Variants in NFKB2 observed in about 807,000 individuals in gnomAD.
NFKB2 encodes the protein nuclear factor kappa B subunit 2.
NFKB2 carries 21 observed loss-of-function variants against 109.3 expected under a neutral mutation model. The ratio of observed to expected loss-of-function variants is 0.19; its 90% CI spans 0.14 to 0.28. The LOEUF is 0.28. Ranked by LOEUF, NFKB2 falls within the 10% of genes least tolerant of loss-of-function variation. The pLI is 1.00. For missense variants in NFKB2, 806 were observed against 1,185.3 expected (o/e 0.68, Z 4.70); for synonymous variants, 478 against 489.9 (o/e 0.98, Z 0.32).
At position 102,400,105 on chromosome 10, in the gene NFKB2, G is replaced by T; in HGVS notation, c.1495G>T (p.Gly499Trp). The T allele has an allele frequency of 6.2e-7, 1 of 1,614,052 alleles. No homozygotes were observed. The highest frequency in any genetic ancestry group is 8.5e-7 in the Non-Finnish European group (1 of 1,179,982). ...DTPLHLAIIH[G>W]QTSVIEQIVY... Reference sequence around the variant, plus strand: ...ACCACTGCACCTAGCCATCATCCACGGGCAGACCAGTGTCATTGAGCAGAT... The same window carrying T: ...ACCACTGCACCTAGCCATCATCCACTGGCAGACCAGTGTCATTGAGCAGAT... Residue 499 changes from glycine to tryptophan, a missense_variant, in exon 15 of 23, where the codon GGG becomes TGG. Gly to Trp is a radical substitution (Grantham distance 184). Transcript: ENST00000661543. This position sits in a 1 kb window ranked among gnomAD's most constrained non-coding sequence, Gnocchi z 6.3.
rs369780227 is a variant in NFKB2 at position 102,400,283 on chromosome 10, C to T, written c.1590C>T (p.Pro530=). Residue 530 remains proline (P), a synonymous_variant, in exon 16 of 23, where the codon CCC becomes CCT. Transcript: ENST00000661543. This position sits in a 1 kb window ranked among gnomAD's most constrained non-coding sequence, Gnocchi z 6.3. ...VNLTNHLHQT[P]LHLAVITGQT... ...CACCCTGCTTTCATCCCCAGACGCCCCTGCACCTGGCGGTGATCACGGGGC... is the reference window on the plus strand; with the variant it reads ...CACCCTGCTTTCATCCCCAGACGCCTCTGCACCTGGCGGTGATCACGGGGC... 2.8e-5 allele frequency: 46 copies of T among 1,614,086 alleles called. No individual in the cohort carries two copies. In the African/African-American group the frequency reaches 4.0e-4, roughly 14 times the overall value.
chr10:102,397,063 C>A lies in NFKB2; in HGVS notation c.395+8C>A, dbSNP rs775898972. 1 of 1,603,176 alleles carries A rather than the reference C, an allele frequency of 6.2e-7. No homozygotes were observed. The highest frequency in any genetic ancestry group is 1.1e-5 in the South Asian group (1 of 90,926). ...CAAGGACATGACTGCCCAGTAGGTG[C>A]CCTCTACGCCTGGCCCCCACTGGTA... On this transcript the variant is annotated splice_region_variant and intron_variant, in intron 6 of 22. Transcript: ENST00000661543. The surrounding 1 kb of genome is among the most constrained non-coding windows in gnomAD (Gnocchi z 4.7).
chr10:102,401,210 C>T lies in NFKB2; in HGVS notation c.2102C>T (p.Pro701Leu). 3 of 1,601,910 alleles carry T rather than the reference C, an allele frequency of 1.9e-6. No homozygotes were observed. The highest frequency in any genetic ancestry group is 2.6e-6 in the Non-Finnish European group (3 of 1,172,848). ...GACATCCATGCTGAAAACGAGGAGC[C>T]CCTGTGCCCACTGCCTTCACCCCCT... The part of the protein sequence containing the change: ...GADIHAENEE[P>L]LCPLPSPPTS... Residue 701 changes from proline to leucine, a missense_variant, in exon 19 of 23, where the codon CCC becomes CTC. Physicochemically the swap from Pro to Leu is moderately conservative, Grantham distance 98. Around this residue, in one of 10 missense-constraint regions of NFKB2, gnomAD observed 211 missense variants for 268.7 expected, o/e 0.79. Coordinates refer to ENST00000661543, the MANE Select transcript of NFKB2 (RefSeq NM_001322934.2). This position sits in a 1 kb window ranked among gnomAD's most constrained non-coding sequence, Gnocchi z 4.2.
intron 14 of NFKB2, 167 bp from the exon 15 acceptor site, chr10:102,399,913 A>G: frequency 9.5e-7 from 1 of 1,053,962 alleles, no homozygotes; most frequent in Non-Finnish European, 1.4e-6. Flanking sequence ...CATAGCACTT[A>G]CCTACCTCAA....
chr10:102,397,359 A>G lies in NFKB2; in HGVS notation c.453A>G (p.Ile151Met), dbSNP rs2135430396. The part of the protein sequence containing the change: ...VTKKNMMGTM[I>M]QKLQRQRLRS... ...AGAAGAACATGATGGGGACTATGAT[A>G]CAAAAACTTCAGAGGCAGCGGCTCC... The change falls in exon 7 of 23, where the codon ATA (isoleucine) becomes ATG (methionine). Residue 151 changes from isoleucine to methionine, a missense_variant. Transcript: ENST00000661543. The surrounding 1 kb of genome is among the most constrained non-coding windows in gnomAD (Gnocchi z 4.7). 1.2e-6 allele frequency: 2 copies of G among 1,613,774 alleles called. No homozygotes were observed. Among genetic ancestry groups the G allele is most frequent in the Non-Finnish European group, 8.5e-7 (1 of 1,179,934 alleles).
Position 102,401,101 on chromosome 10 carries a change from G to A in NFKB2, c.2071+52G>A. On this transcript the variant is annotated intron_variant, in intron 18 of 22. Transcript: ENST00000661543. The surrounding 1 kb of genome is among the most constrained non-coding windows in gnomAD (Gnocchi z 4.2). ...AACAGGGTGGGGGGAAGGGAGAGAG[G>A]TGCCTCCCAGTCCCCCGACTTTGCA... is the stretch of plus-strand genomic sequence containing the variant. 1 of 1,612,008 alleles carries A rather than the reference G, an allele frequency of 6.2e-7. No homozygotes were observed. The highest frequency in any genetic ancestry group is 8.5e-7 in the Non-Finnish European group (1 of 1,178,348).
At position 102,401,360 on chromosome 10, in the gene NFKB2, C is replaced by T. The variant is rs1485899172; in HGVS notation, c.2223+29C>T. ...AGGCCAGCCCGGGACTAGAAGTGCT[C>T]TGAGTGACGGGGTCCAGAGTATCTG... On this transcript the variant is annotated intron_variant, in intron 19 of 22. Coordinates refer to ENST00000661543, the MANE Select transcript of NFKB2 (RefSeq NM_001322934.2). The surrounding 1 kb of genome is among the most constrained non-coding windows in gnomAD (Gnocchi z 4.2). 2 of 1,609,392 alleles carry T rather than the reference C, an allele frequency of 1.2e-6. No individual in the cohort carries two copies. Among genetic ancestry groups the T allele is most frequent in the African/African-American group, 2.7e-5 (2 of 74,850 alleles).
chr10:102,397,234 G>A lies in NFKB2; in HGVS notation c.396-68G>A. ...AGGAAGTAAGGCTGAGCTGAGCCCT[G>A]GCAATGGGAAAGGTGCCTCAGGAAG... On this transcript the variant is annotated intron_variant, in intron 6 of 22. Coordinates refer to ENST00000661543, the MANE Select transcript of NFKB2 (RefSeq NM_001322934.2). This position sits in a 1 kb window ranked among gnomAD's most constrained non-coding sequence, Gnocchi z 4.7. 1 of 1,564,904 alleles carries A rather than the reference G, an allele frequency of 6.4e-7. No homozygotes were observed. The highest frequency in any genetic ancestry group is 8.8e-7 in the Non-Finnish European group (1 of 1,138,594).
chr10:102,400,866 G>C lies in NFKB2; in HGVS notation c.1968+42G>C. The C allele has an allele frequency of 6.3e-7, 1 of 1,576,946 alleles. No individual in the cohort carries two copies. Among genetic ancestry groups the C allele is most frequent in the Non-Finnish European group, 8.6e-7 (1 of 1,159,244 alleles). On this transcript the variant is annotated intron_variant, in intron 17 of 22. Transcript: ENST00000661543. This position sits in a 1 kb window ranked among gnomAD's most constrained non-coding sequence, Gnocchi z 6.3. ...TGGAAGGAGTGGGGCCAAGGGTGGTGGAGGGGCCAAAGATGGTGAAGGGGG... is the reference window on the plus strand; with the variant it reads ...TGGAAGGAGTGGGGCCAAGGGTGGTCGAGGGGCCAAAGATGGTGAAGGGGG...
chr10:102,397,087 T>C lies in NFKB2; in HGVS notation c.395+32T>C. 6.3e-7 allele frequency: 1 copy of C among 1,597,094 alleles called. No individual in the cohort carries two copies. The highest frequency in any genetic ancestry group is 8.6e-7 in the Non-Finnish European group (1 of 1,167,198). Reference sequence around the variant, plus strand: ...GCCCTCTACGCCTGGCCCCCACTGGTATGCCCGTCTGCCAGTCCCAGGCCC... The same window carrying C: ...GCCCTCTACGCCTGGCCCCCACTGGCATGCCCGTCTGCCAGTCCCAGGCCC... On this transcript the variant is annotated intron_variant, in intron 6 of 22. Coordinates refer to ENST00000661543, the MANE Select transcript of NFKB2 (RefSeq NM_001322934.2). The surrounding 1 kb of genome is among the most constrained non-coding windows in gnomAD (Gnocchi z 4.7).
rs2061159644 is a variant in NFKB2, at chr10:102,398,644, T to C, written c.992-95T>C. On this transcript the variant is annotated intron_variant, in intron 11 of 22. Transcript: ENST00000661543. The surrounding 1 kb of genome is among the most constrained non-coding windows in gnomAD (Gnocchi z 6.6). Reference sequence around the variant, plus strand: ...TCAGAAGTGCGAGGGTCCCAGGAGGTGCTTCCTAGGAGCCGGCCCTGAGGG... The same window carrying C: ...TCAGAAGTGCGAGGGTCCCAGGAGGCGCTTCCTAGGAGCCGGCCCTGAGGG... The C allele has an allele frequency of 1.2e-6, 2 of 1,609,374 alleles. No individual in the cohort carries two copies. Among genetic ancestry groups the C allele is most frequent in the Admixed American group, 1.7e-5 (1 of 59,754 alleles).
Position 102,396,584 on chromosome 10 carries a change from G to A in NFKB2, c.144+95G>A. 1 of 1,591,822 alleles carries A rather than the reference G, an allele frequency of 6.3e-7. No individual in the cohort carries two copies. The highest frequency in any genetic ancestry group is 8.6e-7 in the Non-Finnish European group (1 of 1,162,226). Reference sequence around the variant, plus strand: ...TGGCCATGGAGGAGCCATTGCCGAAGGAGGCCACAGGGGATTGGATGGTCA... The same window carrying A: ...TGGCCATGGAGGAGCCATTGCCGAAAGAGGCCACAGGGGATTGGATGGTCA... On this transcript the variant is annotated intron_variant, in intron 4 of 22. Transcript: ENST00000661543. This position sits in a 1 kb window ranked among gnomAD's most constrained non-coding sequence, Gnocchi z 5.9.
chr10:102,396,357 C>T lies in NFKB2; in HGVS notation c.103+23C>T. On this transcript the variant is annotated intron_variant, in intron 3 of 22. Transcript: ENST00000661543. The surrounding 1 kb of genome is among the most constrained non-coding windows in gnomAD (Gnocchi z 5.9). ...CAGGTCAGCAAGTTCACTAACCTCC[C>T]CTAGTCCTAAAGCGGGGGAGGGAGA... The T allele has an allele frequency of 2.5e-6, 4 of 1,613,886 alleles. No homozygotes were observed. The African/African-American group carries it at 4.0e-5, about 16-fold the overall frequency.
rs1282063409 is a variant in NFKB2, at chr10:102,396,069, T to C, written c.21+89T>C. ...CGAGCCCCCTCTGCTGCCTTACACC[T>C]GTATGCTCGCAGATGCTCTCAGCCT... On this transcript the variant is annotated intron_variant, in intron 2 of 22. Transcript: ENST00000661543. The surrounding 1 kb of genome is among the most constrained non-coding windows in gnomAD (Gnocchi z 5.9). The C allele has an allele frequency of 6.4e-7, 1 of 1,556,472 alleles. No individual in the cohort carries two copies. Among genetic ancestry groups the C allele is most frequent in the Non-Finnish European group, 8.8e-7 (1 of 1,132,860 alleles).
upstream of NFKB2, among the ~76,000 whole-genome samples, chr10:102,394,999 C>A (rs1415095972): frequency 6.6e-6 from 1 of 151,876 alleles, no homozygotes; most frequent in Non-Finnish European, 1.5e-5. Context: ...CACATGCTCG[C>A]TTGCACACTC....
Position 102,397,919 on chromosome 10 carries a change from A to C in NFKB2, c.662-62A>C, listed in dbSNP as rs1261300815. On this transcript the variant is annotated intron_variant, in intron 8 of 22. Transcript: ENST00000661543. The surrounding 1 kb of genome is among the most constrained non-coding windows in gnomAD (Gnocchi z 4.7). ...CTGAGATAAGGAATACAAAGCCCCCAGCTTCTTAAATGTGGCCTTGGCTAT... is the reference window on the plus strand; with the variant it reads ...CTGAGATAAGGAATACAAAGCCCCCCGCTTCTTAAATGTGGCCTTGGCTAT... The C allele has an allele frequency of 6.5e-7, 1 of 1,541,786 alleles. No homozygotes were observed. Among genetic ancestry groups the C allele is most frequent in the South Asian group, 1.1e-5 (1 of 89,516 alleles).
upstream of NFKB2, among the ~76,000 whole-genome samples, chr10:102,395,101 T>TGGGGGG (rs11306069): frequency 1.5e-4 from 3 of 20,614 alleles, 1 homozygote. Context: ...TTGTATTAGG[T>TGGGGGG]GGGGGGGGGG....
In NFKB2 at chr10:102,398,777, C is replaced by T; in HGVS notation, c.1030C>T (p.Pro344Ser). ...EVQRKRRKALPTFSQPFGGGS... is the reference protein window; with the variant it reads ...EVQRKRRKALSTFSQPFGGGS... ...GCAGCGGAAGCGGAGGAAGGCCTTG[C>T]CCACCTTCTCCCAGCCCTTCGGGGG... Residue 344 changes from proline (P) to serine (S), a missense_variant, in exon 12 of 23, where the codon CCC becomes TCC. Coordinates refer to ENST00000661543, the MANE Select transcript of NFKB2 (RefSeq NM_001322934.2). This position sits in a 1 kb window ranked among gnomAD's most constrained non-coding sequence, Gnocchi z 6.6. The T allele has an allele frequency of 6.2e-7, 1 of 1,612,402 alleles. No homozygotes were observed. The highest frequency in any genetic ancestry group is 8.5e-7 in the Non-Finnish European group (1 of 1,179,694).
chr10:102,397,589 A>T lies in NFKB2; in HGVS notation c.565A>T (p.Ile189Leu). 1 of 1,614,096 alleles carries T rather than the reference A, an allele frequency of 6.2e-7. No individual in the cohort carries two copies. The highest frequency in any genetic ancestry group is 8.5e-7 in the Non-Finnish European group (1 of 1,179,950). ...ACTGAAGAAGGTGATGGATCTGAGT[A>T]TAGTGCGGCTGCGCTTCTCTGCCTT... ...KELKKVMDLS[I>L]VRLRFSAFLR... The change falls in exon 8 of 23, where the codon ATA becomes TTA. Residue 189 changes from isoleucine (I) to leucine (L), a missense_variant. By Grantham distance (5) the Ile-to-Leu change is conservative (BLOSUM62 2). Transcript: ENST00000661543. This position sits in a 1 kb window ranked among gnomAD's most constrained non-coding sequence, Gnocchi z 4.7.
Sources: allele counts gnomAD v4.1 joint callset (sites outside exome capture counted in the v4.1 genomes callset), GRCh38; gene constraint gnomAD v4.1.1; regional missense constraint gnomAD v4.1.1; non-coding constraint Gnocchi (gnomAD v3.1); transcripts MANE v1.5; gene names NCBI Gene and HGNC (gene_info 2026-07-23, HGNC 2026-07-21).